The following ABCA4 variants were observed in gnomAD, a reference collection of about 807,000 sequenced individuals.
ABCA4 encodes the protein ATP binding cassette subfamily A member 4.
ABCA4 carries 196 observed loss-of-function variants against 263.7 expected under a neutral mutation model. The observed-to-expected ratio is 0.74, with a 90% confidence interval of 0.66 to 0.84. The LOEUF is 0.84. Ranked by LOEUF, ABCA4 falls within the 40% of genes least tolerant of loss-of-function variation. The probability of loss-of-function intolerance (pLI) is 0.00; values close to 1 mark genes in which losing one functional copy is unlikely to be tolerated. For synonymous variants in ABCA4, 1,133 were observed against 1,094.2 expected (o/e 1.04, Z -0.70); for missense variants, 2,792 against 2,855.1 (o/e 0.98, Z 0.50).
intron 6 of ABCA4, among the ~76,000 whole-genome samples, chr1:94,095,967 C>T (rs1029768898): frequency 6.6e-6 from 1 of 151,964 alleles, no homozygotes; most frequent in Admixed American, 6.6e-5. Context: ...GGCCATCTCC[C>T]GGTCCACTGC....
chr1:94,065,300 C>T (rs193094336), intron 11 of ABCA4, among the ~76,000 whole-genome samples: 18 of 152,252 alleles, frequency 1.2e-4, no homozygotes, highest in African/African-American at 3.9e-4. Context: ...TTAGGTTCAA[C>T]GAGTCTGAGT....
At position 94,043,383 on chromosome 1, in the gene ABCA4, T is replaced by C. The variant is rs751441724; in HGVS notation, c.3143A>G (p.Asp1048Gly). The change falls in exon 21 of 50, where the codon GAC (aspartate) becomes GGC (glycine). Residue 1048 changes from aspartate to glycine, a missense_variant. By Grantham distance (94) the Asp-to-Gly change is moderately conservative. Coordinates refer to ENST00000370225, the MANE Select transcript of ABCA4 (RefSeq NM_000350.3). Reference sequence around the variant, plus strand: ...ATTCCGCTTGTGGTGGAGGCCTGTGTCCTCCAACATGGCTTCCATCTCCAG... The same window carrying C: ...ATTCCGCTTGTGGTGGAGGCCTGTGCCCTCCAACATGGCTTCCATCTCCAG... ...AQLEMEAMLE[D>G]TGLHHKRNEE... 6.2e-7 allele frequency: 1 copy of C among 1,614,134 alleles called. No homozygotes were observed. The highest frequency in any genetic ancestry group is 2.2e-5 in the East Asian group (1 of 44,868).
intron 6 of ABCA4, among the ~76,000 whole-genome samples, chr1:94,085,369 C>T (rs764927851): frequency 8.5e-5 from 13 of 152,162 alleles, no homozygotes; most frequent in Non-Finnish European, 1.8e-4. Flanking sequence ...TACAATAAAA[C>T]GTTTTAATAA....
rs889046715 is a variant in ABCA4, at chr1:94,044,864, A to G, written c.2919-120T>C. ...AGATTCCTGCCTGGGGCTGTCAGTC[A>G]AACTCAAACCCCTATTAGCTGTGGG... is the stretch of plus-strand genomic sequence containing the variant. On this transcript the variant is annotated intron_variant, in intron 19 of 49. Transcript: ENST00000370225. The G allele has an allele frequency of 2.4e-5, 37 of 1,514,392 alleles. No homozygotes were observed. The African/African-American group carries it at 4.8e-4, about 20-fold the overall frequency. 93.8% of individuals were successfully genotyped at this position (1,514,392 alleles called of 1,614,324 possible). A position where few individuals can be genotyped will look rare whatever the true frequency, so the allele number is the denominator to read the frequency against.
chr1:94,019,378 C>A (rs970913193), intron 36 of ABCA4: 23 of 605,630 alleles, frequency 3.8e-5, no homozygotes, highest in South Asian at 1.0e-4. Context: ...CACCCCACAG[C>A]CTTTCCTAGC....
chr1:94,021,434 G>T, intron 34 of ABCA4, 25 bp from the exon 35 acceptor site: 1 of 1,614,026 alleles, frequency 6.2e-7, no homozygotes, highest in Non-Finnish European at 8.5e-7. Flanking sequence ...GGACATCTGA[G>T]ACGCTGCACT....
intron 4 of ABCA4, among the ~76,000 whole-genome samples, chr1:94,107,721 T>A (rs945288550): frequency 1.3e-5 from 2 of 152,166 alleles, no homozygotes; most frequent in Non-Finnish European, 2.9e-5. Context: ...ACCATGCACC[T>A]GCACCTTTGC....
chr1:94,100,697 G>A (rs1450571436), intron 5 of ABCA4, among the ~76,000 whole-genome samples: 6 of 152,168 alleles, frequency 3.9e-5, no homozygotes, highest in Non-Finnish European at 5.9e-5. Flanking sequence ...GGAATGGTGA[G>A]GTTCCTTCTG....
intron 15 of ABCA4, among the ~76,000 whole-genome samples, chr1:94,055,895 G>A (rs1660966044): frequency 6.6e-6 from 1 of 152,204 alleles, no homozygotes; most frequent in Non-Finnish European, 1.5e-5. Context: ...TGACTCTACA[G>A]CACAGAGACA....
At chr1:94,031,636 A>G in intron 27 of ABCA4, 142 bp downstream of exon 27, 1 of 1,169,706 alleles carries the variant, frequency 8.5e-7, no homozygotes, top group Non-Finnish European at 1.2e-6. Context: ...AGGGTTTGGA[A>G]AGCAGGAAAC....
At chr1:94,013,365 G>A (rs1441710994) in intron 38 of ABCA4, among the ~76,000 whole-genome samples, 2 of 152,186 alleles carry the variant, frequency 1.3e-5, no homozygotes, top group Non-Finnish European at 2.9e-5. Flanking sequence ...GGGTCTGGGC[G>A]GTTCATGGTG....
chr1:94,063,045 T>C (rs1661173856), intron 12 of ABCA4, 67 bp downstream of exon 12: 1 of 1,454,232 alleles, frequency 6.9e-7, no homozygotes, highest in Non-Finnish European at 9.6e-7. Flanking sequence ...TCAATCCCTT[T>C]CTCTCTACCA....
In ABCA4 at chr1:94,030,452, C is replaced by T. The variant is rs61750142; in HGVS notation, c.4328G>A (p.Arg1443His). 46 of 1,614,056 alleles carry T rather than the reference C, an allele frequency of 2.8e-5. No homozygotes were observed. Among genetic ancestry groups the T allele is most frequent in the Middle Eastern group, 3.3e-4 (2 of 6,084 alleles). ...CGGAAGCCACCCTTCCTTCAGGCAGCGGTTGCCAAAGCCTGGCTTATTCAG... is the reference window on the plus strand; with the variant it reads ...CGGAAGCCACCCTTCCTTCAGGCAGTGGTTGCCAAAGCCTGGCTTATTCAG... ...VLLNKPGFGN[R>H]CLKEGWLPEY... Residue 1443 changes from arginine (R) to histidine (H), a missense_variant, in exon 29 of 50, where the codon CGC becomes CAC. Arg to His is a conservative substitution (Grantham distance 29). Transcript: ENST00000370225.
intron 18 of ABCA4, among the ~76,000 whole-genome samples, chr1:94,048,360 T>G (rs986414665): frequency 5.9e-5 from 9 of 152,202 alleles, no homozygotes; most frequent in African/African-American, 2.2e-4. Flanking sequence ...GGTCGTCAGT[T>G]TAGGGATTAT....
intron 1 of ABCA4, among the ~76,000 whole-genome samples, chr1:94,118,199 G>A (rs1415178235): frequency 3.3e-5 from 5 of 152,146 alleles, no homozygotes; most frequent in Non-Finnish European, 5.9e-5. Flanking sequence ...TCGTGGAACT[G>A]TTCGGAGAGT....
At chr1:94,028,375 G>A (rs756492082) in intron 30 of ABCA4, among the ~76,000 whole-genome samples, 4 of 152,194 alleles carry the variant, frequency 2.6e-5, no homozygotes, top group Non-Finnish European at 4.4e-5. Flanking sequence ...AGAACTCCCA[G>A]GACAGGGTGC....
At chr1:94,077,214 G>T (rs3120133) in intron 11 of ABCA4, among the ~76,000 whole-genome samples, 128,669 of 152,176 alleles carry the variant, frequency 0.85, 55,025 homozygotes, top group Non-Finnish European at 0.92. Flanking sequence ...CAAATGCTGA[G>T]GACGTTAATT....
At chr1:94,046,280 TAA>T (rs11289565) in intron 19 of ABCA4, among the ~76,000 whole-genome samples, 23,533 of 76,864 alleles carry the variant, frequency 0.31, 2,982 homozygotes, top group East Asian at 0.69. Flanking sequence ...CTGTCTGTAC[TAA>T]AAAAAAAAAA....
chr1:94,071,921 A>G (rs1032484397), intron 11 of ABCA4, among the ~76,000 whole-genome samples: 33 of 152,196 alleles, frequency 2.2e-4, no homozygotes, highest in Non-Finnish European at 1.5e-5. Flanking sequence ...ATTTCTCCCT[A>G]GCCTTCCAAT....
Sources: gnomAD v4.1 joint callset for allele counts (sites outside exome capture counted in the v4.1 genomes callset) on GRCh38, gnomAD v4.1.1 for gene constraint, MANE v1.5 for transcripts, NCBI Gene and HGNC (gene_info 2026-07-23, HGNC 2026-07-21) for gene names.